The following EXT1 variants were observed in gnomAD, a reference collection of about 807,000 sequenced individuals.
The protein encoded by EXT1 is exostosin-1.
A neutral mutation model predicts 82.5 loss-of-function variants in EXT1; 20 were observed. The ratio of observed to expected loss-of-function variants is 0.24; its 90% confidence interval spans 0.17 to 0.35. The LOEUF (loss-of-function observed/expected upper bound fraction) is 0.35, where lower values mean the gene tolerates loss of function less well. EXT1 is among the 10% of genes least tolerant of loss of function. EXT1 has a pLI of 1.00. For missense variants in EXT1, 757 were observed against 936.5 expected (o/e 0.81, Z 2.50); for synonymous variants, 348 against 350.8 (o/e 0.99, Z 0.09).
At chr8:117,856,877 A>G (rs1208888169) in intron 1 of EXT1, among the ~76,000 whole-genome samples, 3 of 152,210 alleles carry the variant, frequency 2.0e-5, no homozygotes, top group African/African-American at 7.2e-5. Flanking sequence ...TTGGAAGGAC[A>G]GGCTGACTCT....
chr8:117,974,538 GCTCA>G (rs1165533354), intron 1 of EXT1, among the ~76,000 whole-genome samples: 1 of 152,170 alleles, frequency 6.6e-6, no homozygotes, highest in Non-Finnish European at 1.5e-5. Context: ...TGAGATCACA[GCTCA>G]CTGCAGCCTT....
At chr8:117,976,963 G>A (rs1056004206) in intron 1 of EXT1, among the ~76,000 whole-genome samples, 1 of 152,126 alleles carries the variant, frequency 6.6e-6, no homozygotes, top group Admixed American at 6.6e-5. Flanking sequence ...CCTGAATACT[G>A]AGGTTTTAAT....
chr8:117,816,148 G>C (rs1811811634), intron 7 of EXT1, among the ~76,000 whole-genome samples: 1 of 151,974 alleles, frequency 6.6e-6, no homozygotes, highest in South Asian at 2.1e-4. Flanking sequence ...CATATAATCT[G>C]ATCTTTTTGG....
intron 1 of EXT1, among the ~76,000 whole-genome samples, chr8:117,867,261 A>G (rs202240431): frequency 5.9e-4 from 35 of 59,622 alleles, no homozygotes; most frequent in South Asian, 1.4e-3. Context: ...TCCACCTCAG[A>G]AAAAAAAAAA....
chr8:118,023,076 T>C (rs1200679980), intron 1 of EXT1, among the ~76,000 whole-genome samples: 1 of 152,206 alleles, frequency 6.6e-6, no homozygotes, highest in Non-Finnish European at 1.5e-5. Flanking sequence ...AAGGTCCCAA[T>C]ATTTCCTGGA....
intron 1 of EXT1, among the ~76,000 whole-genome samples, chr8:117,984,449 C>CAAA (rs368857333): frequency 0.014 from 1,823 of 130,936 alleles, 34 homozygotes; most frequent in African/African-American, 0.04. Context: ...CAAAACAAAA[C>CAAA]AAAAAAAAAA....
At chr8:118,055,633 T>C (rs1816783531) in intron 1 of EXT1, among the ~76,000 whole-genome samples, 1 of 152,160 alleles carries the variant, frequency 6.6e-6, no homozygotes. Flanking sequence ...GCTGGTCTTG[T>C]CATTTGGACC....
At chr8:117,829,174 G>A (rs1202823457) in intron 4 of EXT1, among the ~76,000 whole-genome samples, 2 of 152,096 alleles carry the variant, frequency 1.3e-5, no homozygotes, top group Non-Finnish European at 2.9e-5. Flanking sequence ...TAATGCATGC[G>A]TGTGCAGTTT....
intron 9 of EXT1, 148 bp from the exon 10 acceptor site, chr8:117,805,041 T>C: frequency 1.3e-6 from 1 of 746,904 alleles, no homozygotes; most frequent in Non-Finnish European, 2.2e-6. Context: ...ACGATAACTA[T>C]CACTTCTATG....
At chr8:117,859,819 C>A (rs1812648712) in intron 1 of EXT1, among the ~76,000 whole-genome samples, 1 of 152,044 alleles carries the variant, frequency 6.6e-6, no homozygotes, top group African/African-American at 2.4e-5. Flanking sequence ...TATGTATATA[C>A]CATGGGATAC....
intron 1 of EXT1, among the ~76,000 whole-genome samples, chr8:118,050,183 T>C (rs1346401456): frequency 6.6e-6 from 1 of 152,100 alleles, no homozygotes; most frequent in Non-Finnish European, 1.5e-5. Flanking sequence ...CAAAGGGTAT[T>C]TTTCACTCCA....
chr8:117,898,625 T>A (rs987156971), intron 1 of EXT1, among the ~76,000 whole-genome samples: 3 of 152,260 alleles, frequency 2.0e-5, no homozygotes, highest in Admixed American at 1.3e-4. Context: ...TGGCTGTGGA[T>A]CCCATGAAGG....
chr8:117,893,751 T>C (rs943192144), intron 1 of EXT1, among the ~76,000 whole-genome samples: 1 of 152,202 alleles, frequency 6.6e-6, no homozygotes, highest in Non-Finnish European at 1.5e-5. Context: ...CAGTGACCAG[T>C]AACAAGACTC....
intron 1 of EXT1, among the ~76,000 whole-genome samples, chr8:118,040,031 A>C (rs1428963175): frequency 6.6e-6 from 1 of 152,208 alleles, no homozygotes; most frequent in East Asian, 1.9e-4. Context: ...TTAATGAAGA[A>C]GCTTTCTGGC....
At chr8:118,058,670 C>T (rs1380035077) in intron 1 of EXT1, among the ~76,000 whole-genome samples, 4 of 151,898 alleles carry the variant, frequency 2.6e-5, no homozygotes, top group Non-Finnish European at 5.9e-5. Flanking sequence ...TAAAATTTTC[C>T]ACTCAAAAAT....
intron 1 of EXT1, among the ~76,000 whole-genome samples, chr8:118,022,326 CTTTTTTTTTTTTTTTTTTTT>C (rs71307420): frequency 2.2e-5 from 1 of 46,176 alleles, no homozygotes; most frequent in African/African-American, 7.6e-5. Flanking sequence ...CATATATATT[CTTTTTTTTTTTTTTTTTTTT>C]TTTTTTTTTG....
chr8:118,028,106 A>C (rs1816235330), intron 1 of EXT1, among the ~76,000 whole-genome samples: 1 of 152,224 alleles, frequency 6.6e-6, no homozygotes, highest in African/African-American at 2.4e-5. Flanking sequence ...TTGTGGTCCC[A>C]GCCCCTAAAG....
chr8:118,082,221 T>G (rs1817345632), intron 1 of EXT1, among the ~76,000 whole-genome samples: 1 of 152,154 alleles, frequency 6.6e-6, no homozygotes, highest in Non-Finnish European at 1.5e-5. Flanking sequence ...ACAAAATGCA[T>G]TAAAAATAGC....
intron 1 of EXT1, among the ~76,000 whole-genome samples, chr8:118,064,852 ATT>A (rs35880608): frequency 0.083 from 10,167 of 122,912 alleles, 599 homozygotes; most frequent in African/African-American, 0.2. Context: ...TGTTTCCTGA[ATT>A]TTTTTTTTTT....
Sources: allele counts gnomAD v4.1 joint callset (sites outside exome capture counted in the v4.1 genomes callset), GRCh38; gene constraint gnomAD v4.1.1; transcripts MANE v1.5; gene names NCBI Gene and HGNC (gene_info 2026-07-23, HGNC 2026-07-21).